Variants in NEDD9 observed in about 807,000 individuals in gnomAD.
NEDD9 encodes enhancer of filamentation 1.
In NEDD9, 26 loss-of-function variants were observed where a neutral mutation model predicts 76.6. The observed-to-expected ratio is 0.34, with a 90% CI of 0.25 to 0.47. The LOEUF (loss-of-function observed/expected upper bound fraction) is 0.47, where lower values mean the gene tolerates loss of function less well. Among genes scored for constraint, NEDD9 ranks in the 20% least tolerant of loss-of-function variants. The pLI is 1.00. For synonymous variants in NEDD9, 392 were observed against 414.2 expected, an observed-to-expected ratio of 0.95 and a Z score of 0.65; for missense variants, 937 against 1,058.5, an observed-to-expected ratio of 0.89 and a Z score of 1.59.
At chr6:11,231,639 T>G (rs1396026184) in intron 1 of NEDD9, among the ~76,000 whole-genome samples, 1 of 152,208 alleles carries the variant, frequency 6.6e-6, no homozygotes, top group Non-Finnish European at 1.5e-5. Context: ...TCATGTCCAA[T>G]TCATTGCAGT....
At chr6:11,239,187 A>T (rs1391879565) in intron 3 of NEDD9, among the ~76,000 whole-genome samples, 2 of 152,058 alleles carry the variant, frequency 1.3e-5, no homozygotes, top group African/African-American at 4.8e-5. Flanking sequence ...AAAATAAAAA[A>T]AATCTGCATA....
At chr6:11,219,322 G>A (rs1344073692) in intron 1 of NEDD9, among the ~76,000 whole-genome samples, 3 of 152,198 alleles carry the variant, frequency 2.0e-5, no homozygotes, top group Non-Finnish European at 2.9e-5. Context: ...CCACTCATGC[G>A]GTCGTTTGAA....
chr6:11,265,211 A>C (rs914012553), intron 3 of NEDD9, among the ~76,000 whole-genome samples: 1 of 152,250 alleles, frequency 6.6e-6, no homozygotes, highest in Non-Finnish European at 1.5e-5. Context: ...ACTACGGGAT[A>C]ATGAATCCTG....
chr6:11,250,544 C>T (rs555436497), intron 3 of NEDD9, among the ~76,000 whole-genome samples: 3 of 152,290 alleles, frequency 2.0e-5, no homozygotes, highest in Non-Finnish European at 4.4e-5. Context: ...GCCCGTCCTA[C>T]GACCAGAGAG....
chr6:11,269,046 C>T (rs11965015), intron 3 of NEDD9, among the ~76,000 whole-genome samples: 10,475 of 152,240 alleles, frequency 0.069, 367 homozygotes, highest in Middle Eastern at 0.14. Context: ...AAAACCCAAA[C>T]GTTTGAGGTT....
intron 3 of NEDD9, among the ~76,000 whole-genome samples, chr6:11,280,194 C>T (rs947128984): frequency 6.6e-6 from 1 of 152,128 alleles, no homozygotes; most frequent in Non-Finnish European, 1.5e-5. Flanking sequence ...GATGCAATTA[C>T]CTCCAGCTGA....
In NEDD9 at chr6:11,361,622, G is replaced by A. The variant is rs1159165994; in HGVS notation, c.-214+20517C>T. Among the ~76,000 whole-genome samples the A allele has an allele frequency of 2.6e-5, 4 of 152,180 alleles. No homozygotes were observed. The South Asian group carries it at 8.3e-4, about 32-fold the overall frequency. On this transcript the variant is annotated intron_variant, in intron 1 of 3. Coordinates refer to the NEDD9 transcript ENST00000397378. The stretch of plus-strand genomic sequence containing the variant: ...CACTGGAGATTACAATTCAACATGA[G>A]ATTTTTGGGTGGGGACAAAAACCTA...
chr6:11,375,505 C>T (rs529609111), intron 1 of NEDD9, among the ~76,000 whole-genome samples: 12 of 152,314 alleles, frequency 7.9e-5, no homozygotes, highest in African/African-American at 1.4e-4. Flanking sequence ...CCAAATCTCA[C>T]GCTGAAATGT....
chr6:11,208,174 A>G (rs1212067437), intron 2 of NEDD9, among the ~76,000 whole-genome samples: 6 of 147,824 alleles, frequency 4.1e-5, no homozygotes, highest in African/African-American at 1.5e-4. Context: ...CGAGACCCTG[A>G]CTCAAAAAAA....
chr6:11,330,963 C>G (rs897756785), intron 2 of NEDD9, among the ~76,000 whole-genome samples: 4 of 152,074 alleles, frequency 2.6e-5, no homozygotes, highest in Non-Finnish European at 5.9e-5. Flanking sequence ...CAAATTTTCA[C>G]AAATGGAATA....
intron 1 of NEDD9, among the ~76,000 whole-genome samples, chr6:11,339,615 A>C (rs1487792533): frequency 2.0e-5 from 3 of 152,258 alleles, no homozygotes; most frequent in South Asian, 4.1e-4. Context: ...GCTATGCTAA[A>C]AATGATCAAT....
chr6:11,219,989 G>A (rs1335901530), intron 1 of NEDD9, among the ~76,000 whole-genome samples: 1 of 152,200 alleles, frequency 6.6e-6, no homozygotes, highest in East Asian at 1.9e-4. Context: ...CAGGCATGAA[G>A]CTTTCAATAC....
At position 11,190,857 on chromosome 6, in the gene NEDD9, G is replaced by A. The variant is rs1486160416; in HGVS notation, c.1012C>T (p.Pro338Ser). 1 of 1,614,086 alleles carries A rather than the reference G, an allele frequency of 6.2e-7. No homozygotes were observed. The change falls in exon 5 of 7, where the codon CCC becomes TCC. Residue 338 changes from proline (P) to serine (S), a missense_variant. Coordinates refer to ENST00000379446, the MANE Select transcript of NEDD9 (RefSeq NM_006403.4). The surrounding 1 kb of genome is among the most constrained non-coding windows in gnomAD (Gnocchi z 5.8). ...TCATAAACACCATCCCTTTCCTGGGGGTTTGCTTTCTCACTGGTTTCTGCT... is the reference window on the plus strand; with the variant it reads ...TCATAAACACCATCCCTTTCCTGGGAGTTTGCTTTCTCACTGGTTTCTGCT... The part of the protein sequence containing the change: ...PPAETSEKAN[P>S]QERDGVYDVP...
At chr6:11,373,436 A>T (rs887334170) in intron 1 of NEDD9, among the ~76,000 whole-genome samples, 2 of 152,358 alleles carry the variant, frequency 1.3e-5, no homozygotes, top group South Asian at 4.1e-4. Flanking sequence ...CCATATGTAT[A>T]TGGGAGAATG....
At chr6:11,317,919 C>T (rs868225637) in intron 2 of NEDD9, among the ~76,000 whole-genome samples, 7 of 152,126 alleles carry the variant, frequency 4.6e-5, no homozygotes, top group East Asian at 3.9e-4. Context: ...GTGGCCCTCC[C>T]GATGCAGGTG....
intron 1 of NEDD9, chr6:11,214,057 TC>T (rs1488854551): frequency 1.7e-5 from 7 of 417,290 alleles, no homozygotes; most frequent in Admixed American, 3.3e-5. Context: ...ACATTTTTCT[TC>T]CTTTTTCAAA....
chr6:11,347,895 C>A (rs553580084), intron 1 of NEDD9, among the ~76,000 whole-genome samples: 1 of 152,160 alleles, frequency 6.6e-6, no homozygotes, highest in Non-Finnish European at 1.5e-5. Context: ...GACAAGGATG[C>A]CCTCTCTCAC....
intron 3 of NEDD9, among the ~76,000 whole-genome samples, chr6:11,256,673 A>C (rs1342316231): frequency 6.6e-6 from 1 of 152,126 alleles, no homozygotes; most frequent in Non-Finnish European, 1.5e-5. Context: ...CATGTTGCCC[A>C]GGTTGGTCTC....
Position 11,308,106 on chromosome 6 carries a change from A to G in NEDD9, c.-152-1951T>C, listed in dbSNP as rs1310067709. Among the ~76,000 whole-genome samples, 3 of 152,182 alleles carry G rather than the reference A, an allele frequency of 2.0e-5. No individual in the cohort carries two copies. The East Asian group carries it at 5.8e-4, about 29-fold the overall frequency. On this transcript the variant is annotated intron_variant, in intron 2 of 3. Coordinates refer to the NEDD9 transcript ENST00000397378. ...CCTTATTCCTGACGGGGGGCCTGGAAGCAGATATTCGTAAAAGGCCATGGG... is the reference window on the plus strand; with the variant it reads ...CCTTATTCCTGACGGGGGGCCTGGAGGCAGATATTCGTAAAAGGCCATGGG...
Sources: gnomAD v4.1 joint callset for allele counts (sites outside exome capture counted in the v4.1 genomes callset) on GRCh38, gnomAD v4.1.1 for gene constraint, Gnocchi (gnomAD v3.1) non-coding constraint, MANE v1.5 for transcripts, NCBI Gene and HGNC (gene_info 2026-07-23, HGNC 2026-07-21) for gene names.